GPM6A: variants seen among roughly 807,000 people sequenced by gnomAD.
The protein encoded by GPM6A is glycoprotein M6A, also known as neuronal membrane glycoprotein M6-a.
Under a neutral mutation model 32.1 loss-of-function variants are expected in GPM6A, and 7 were observed. The observed-to-expected ratio is 0.22, with a 90% CI of 0.12 to 0.41. The LOEUF (loss-of-function observed/expected upper bound fraction) is 0.41. Ranked by LOEUF, GPM6A falls within the 10% of genes least tolerant of loss-of-function variation. The pLI is 1.00. For missense variants in GPM6A, 235 were observed against 347.2 expected, an observed-to-expected ratio of 0.68 and a Z score of 2.57; for synonymous variants, 130 against 123.4, an observed-to-expected ratio of 1.05 and a Z score of -0.35.
At chr4:175,863,136 A>C (rs1736623902) in intron 1 of GPM6A, among the ~76,000 whole-genome samples, 1 of 152,138 alleles carries the variant, frequency 6.6e-6, no homozygotes, top group Non-Finnish European at 1.5e-5. Context: ...AAATTTCATG[A>C]GACTTCAAAT....
At chr4:176,000,089 C>A (rs1741429467) in intron 1 of GPM6A, among the ~76,000 whole-genome samples, 1 of 152,124 alleles carries the variant, frequency 6.6e-6, no homozygotes, top group African/African-American at 2.4e-5. Flanking sequence ...TGCTGTCACT[C>A]TCCCCTGCTA....
intron 6 of GPM6A, among the ~76,000 whole-genome samples, chr4:175,639,597 C>T (rs993089497): frequency 1.1e-4 from 16 of 152,210 alleles, no homozygotes; most frequent in South Asian, 4.2e-4. Context: ...GGCTCTGGCA[C>T]GTGGTAGATC....
intron 3 of GPM6A, among the ~76,000 whole-genome samples, chr4:175,670,618 A>C (rs935937345): frequency 1.3e-5 from 2 of 152,132 alleles, no homozygotes; most frequent in African/African-American, 4.8e-5. Context: ...CTTTTCATAT[A>C]ATGTTTTAAT....
At chr4:175,726,600 T>C (rs578238225) in intron 1 of GPM6A, among the ~76,000 whole-genome samples, 18 of 152,338 alleles carry the variant, frequency 1.2e-4, no homozygotes, top group Non-Finnish European at 2.4e-4. Flanking sequence ...TGGTTATCTA[T>C]ATTCCAGGAT....
intron 3 of GPM6A, among the ~76,000 whole-genome samples, chr4:175,663,488 T>C (rs945195321): frequency 6.6e-6 from 1 of 152,138 alleles, no homozygotes; most frequent in African/African-American, 2.4e-5. Context: ...AATAACAGTG[T>C]GTTGTATTCT....
intron 3 of GPM6A, among the ~76,000 whole-genome samples, chr4:175,659,654 T>G (rs1742288724): frequency 1.3e-5 from 2 of 152,238 alleles, no homozygotes; most frequent in South Asian, 2.1e-4. Context: ...TCTTGATAAG[T>G]TTATCATGTC....
At chr4:175,820,498 TTC>T (rs1480679928) in intron 1 of GPM6A, among the ~76,000 whole-genome samples, 5 of 74,924 alleles carry the variant, frequency 6.7e-5, no homozygotes, top group Admixed American at 2.0e-4. Flanking sequence ...TTTCTTTTCT[TTC>T]TTTTTTTTTT....
At chr4:175,762,611 T>C (rs1309481600) in intron 1 of GPM6A, among the ~76,000 whole-genome samples, 1 of 152,130 alleles carries the variant, frequency 6.6e-6, no homozygotes, top group African/African-American at 2.4e-5. Flanking sequence ...AGATAAAATA[T>C]TATTCATGAA....
chr4:175,669,365 G>C (rs1485615920), intron 3 of GPM6A, among the ~76,000 whole-genome samples: 1 of 152,104 alleles, frequency 6.6e-6, no homozygotes, highest in Admixed American at 6.5e-5. Context: ...AAAATCCTTT[G>C]TCTGAAATGC....
chr4:175,886,752 CACACAA>C (rs1196413437), intron 1 of GPM6A, among the ~76,000 whole-genome samples: 106 of 147,850 alleles, frequency 7.2e-4, no homozygotes, highest in African/African-American at 2.4e-3. Context: ...CACACACACA[CACACAA>C]ACACACACCA....
chr4:175,963,595 G>A (rs2126407154), intron 1 of GPM6A, among the ~76,000 whole-genome samples: 1 of 152,120 alleles, frequency 6.6e-6, no homozygotes. Flanking sequence ...GAAAATTGAG[G>A]ATGTTTGTGC....
chr4:175,810,492 C>T (rs1212812741), intron 1 of GPM6A, among the ~76,000 whole-genome samples: 1 of 152,108 alleles, frequency 6.6e-6, no homozygotes, highest in East Asian at 1.9e-4. Flanking sequence ...GCATAGCCAC[C>T]TCCACCCCCA....
At chr4:175,736,747 T>C (rs1008978049) in intron 1 of GPM6A, among the ~76,000 whole-genome samples, 1 of 152,232 alleles carries the variant, frequency 6.6e-6, no homozygotes, top group Non-Finnish European at 1.5e-5. Context: ...CAAATCTTAA[T>C]ATAAATGCAA....
upstream of GPM6A, among the ~76,000 whole-genome samples, chr4:175,816,083 G>A (rs552427998): frequency 2.1e-3 from 321 of 152,278 alleles, no homozygotes; most frequent in African/African-American, 7.4e-3. Flanking sequence ...CCCAGCTACT[G>A]GGGAGGCTGA....
chr4:175,806,604 T>C (rs895431673), intron 1 of GPM6A, among the ~76,000 whole-genome samples: 7 of 152,232 alleles, frequency 4.6e-5, no homozygotes, highest in African/African-American at 1.7e-4. Flanking sequence ...ATGTTATATC[T>C]AAACCACAGC....
intron 1 of GPM6A, among the ~76,000 whole-genome samples, chr4:175,710,631 T>A (rs1308791136): frequency 6.6e-6 from 1 of 152,164 alleles, no homozygotes; most frequent in African/African-American, 2.4e-5. Flanking sequence ...GTTTTTCGGT[T>A]TCTGAAAGTA....
intron 1 of GPM6A, among the ~76,000 whole-genome samples, chr4:175,927,655 T>C (rs1291893771): frequency 1.3e-5 from 2 of 152,188 alleles, no homozygotes; most frequent in Non-Finnish European, 2.9e-5. Context: ...GAGGCCGTGG[T>C]GGGTGGATCA....
At chr4:175,723,840 C>G (rs954872949) in intron 1 of GPM6A, among the ~76,000 whole-genome samples, 1 of 152,028 alleles carries the variant, frequency 6.6e-6, no homozygotes, top group Non-Finnish European at 1.5e-5. Context: ...TGTTAGGACT[C>G]TCATATTTTA....
intron 4 of GPM6A, among the ~76,000 whole-genome samples, chr4:175,648,503 C>T (rs188577388): frequency 2.7e-4 from 41 of 152,220 alleles, no homozygotes; most frequent in Admixed American, 1.6e-3. Context: ...CCTTGGCTTT[C>T]GATACTGTAT....
Sources: allele counts gnomAD v4.1 joint callset (sites outside exome capture counted in the v4.1 genomes callset), GRCh38; gene constraint gnomAD v4.1.1; transcripts MANE v1.5; gene names NCBI Gene and HGNC (gene_info 2026-07-23, HGNC 2026-07-21).